The following DHRSX variants were observed in gnomAD, a reference collection of about 807,000 sequenced individuals.
DHRSX encodes dehydrogenase/reductase X-linked, also known as polyprenol dehydrogenase.
Under a neutral mutation model 34.0 loss-of-function variants are expected in DHRSX, and 31 were observed. The ratio of observed to expected loss-of-function variants is 0.91; its 90% CI spans 0.69 to 1.23. The LOEUF is 1.23. Ranked by LOEUF, DHRSX falls within the 50% of genes most tolerant of loss-of-function variation. DHRSX has a pLI of 0.00. For synonymous variants in DHRSX, 201 were observed against 183.8 expected (o/e 1.09, Z -0.76); for missense variants, 414 against 428.1 (o/e 0.97, Z 0.29).
In DHRSX at chrX:2,500,872, G is replaced by A; in HGVS notation, c.54C>T (p.Ala18=). The A allele has an allele frequency of 8.6e-7, 1 of 1,157,808 alleles. No individual in the cohort carries two copies. Among genetic ancestry groups the A allele is most frequent in the Non-Finnish European group, 1.1e-6 (1 of 934,320 alleles). The allele number at this position is 1,157,808 out of a possible 1,614,324, so 71.7% of individuals were successfully genotyped here. A position where few individuals can be genotyped will look rare whatever the true frequency, so the allele number is the denominator to read the frequency against. Residue 18 remains alanine (A), a synonymous_variant, in exon 1 of 7, where the codon GCC becomes GCT. Coordinates refer to ENST00000334651, the MANE Select transcript of DHRSX (RefSeq NM_145177.3). The part of the protein sequence containing the change: ...RAALRVYAVG[A]AVILAQLLRR... ...GCAGCAGCTGCGCCAGGATCACCGC[G>A]GCGCCTACCGCGTAGACCCGCAGGG... is the stretch of plus-strand genomic sequence containing the variant.
At chrX:2,346,152 A>G (rs1467566240) in intron 3 of DHRSX, among the ~76,000 whole-genome samples, 2 of 152,104 alleles carry the variant, frequency 1.3e-5, no homozygotes, top group East Asian at 3.9e-4. Context: ...ATTTAACTCA[A>G]ATACATGTAT....
intron 3 of DHRSX, among the ~76,000 whole-genome samples, chrX:2,408,306 C>A (rs1161141899): frequency 6.6e-6 from 1 of 152,010 alleles, no homozygotes; most frequent in African/African-American, 2.4e-5. Context: ...CAACTCCTGA[C>A]CTCGTGATCC....
intron 3 of DHRSX, among the ~76,000 whole-genome samples, chrX:2,295,196 T>TGGATAAAGAAAA (rs2041917840): frequency 6.6e-6 from 1 of 152,056 alleles, no homozygotes; most frequent in Non-Finnish European, 1.5e-5. Context: ...AATGATAGAC[T>TGGATAAAGAAAA]GGATAAAGAA....
intron 1 of DHRSX, among the ~76,000 whole-genome samples, chrX:2,443,980 G>T (rs999389220): frequency 4.0e-5 from 6 of 151,076 alleles, no homozygotes; most frequent in African/African-American, 1.2e-4. Flanking sequence ...ACTCCAGCCT[G>T]GGCGACAGAG....
intron 2 of DHRSX, among the ~76,000 whole-genome samples, chrX:2,414,341 C>G (rs2043667727): frequency 6.6e-6 from 1 of 152,058 alleles, no homozygotes; most frequent in African/African-American, 2.4e-5. Context: ...TAGTCCTCAT[C>G]ATGACCTAAC....
intron 3 of DHRSX, among the ~76,000 whole-genome samples, chrX:2,390,105 G>A (rs1428953096): frequency 6.8e-6 from 1 of 146,406 alleles, no homozygotes; most frequent in Admixed American, 6.8e-5. Context: ...ATTTTTAATT[G>A]TGGAAAAATA....
chrX:2,265,800 C>T (rs1242099862), intron 5 of DHRSX, among the ~76,000 whole-genome samples: 16 of 70,320 alleles, frequency 2.3e-4, no homozygotes, highest in East Asian at 1.0e-3. Flanking sequence ...GCACCGGTGT[C>T]CAGCAGACGC....
chrX:2,385,108 A>G (rs868670769), intron 3 of DHRSX, among the ~76,000 whole-genome samples: 21 of 122,698 alleles, frequency 1.7e-4, no homozygotes, highest in South Asian at 1.5e-3. Flanking sequence ...TCTCAAATAT[A>G]TATGTGTGTG....
At chrX:2,276,522 G>T (rs1569483020) in intron 4 of DHRSX, among the ~76,000 whole-genome samples, 1 of 152,150 alleles carries the variant, frequency 6.6e-6, no homozygotes, top group African/African-American at 2.4e-5. Context: ...CAATTCAAAG[G>T]TGGAAAATAC....
intron 1 of DHRSX, among the ~76,000 whole-genome samples, chrX:2,496,678 G>A (rs980050938): frequency 5.3e-5 from 8 of 151,858 alleles, no homozygotes; most frequent in South Asian, 2.1e-4. Context: ...TGTTCCCACC[G>A]CAAAGGAAAA....
At chrX:2,391,770 T>C (rs1198675621) in intron 3 of DHRSX, among the ~76,000 whole-genome samples, 1 of 151,842 alleles carries the variant, frequency 6.6e-6, no homozygotes, top group East Asian at 1.9e-4. Context: ...CTACTAAAAA[T>C]ACAAAAATTA....
At chrX:2,488,967 C>T (rs754468515) in intron 1 of DHRSX, 9 of 1,596,712 alleles carry the variant, frequency 5.6e-6, no homozygotes, top group East Asian at 2.2e-5. Flanking sequence ...AGGGGGTCTT[C>T]GTTGAGGCCA....
chrX:2,320,993 C>T (rs187884225), intron 3 of DHRSX, among the ~76,000 whole-genome samples: 2 of 152,182 alleles, frequency 1.3e-5, no homozygotes, highest in Admixed American at 1.3e-4. Flanking sequence ...AACCCTGTGG[C>T]TTGACAAGCA....
intron 3 of DHRSX, among the ~76,000 whole-genome samples, chrX:2,298,131 G>A (rs1350250346): frequency 6.6e-6 from 1 of 152,008 alleles, no homozygotes; most frequent in Non-Finnish European, 1.5e-5. Context: ...GACAGAGGCA[G>A]AGACTGGAGT....
chrX:2,493,425 C>A (rs1410965953), intron 1 of DHRSX, among the ~76,000 whole-genome samples: 2 of 151,694 alleles, frequency 1.3e-5, no homozygotes, highest in Admixed American at 1.3e-4. Context: ...GAAAGAGGTC[C>A]CAGTCCTCAA....
intron 6 of DHRSX, among the ~76,000 whole-genome samples, chrX:2,227,178 GTCTGCACAGAA>G (rs2015685954): frequency 6.6e-6 from 1 of 152,062 alleles, no homozygotes; most frequent in African/African-American, 2.4e-5. Flanking sequence ...GGACAGACGT[GTCTGCACAGAA>G]TCCTGCACCT....
At chrX:2,332,012 T>G (rs942015561) in intron 3 of DHRSX, among the ~76,000 whole-genome samples, 6 of 152,150 alleles carry the variant, frequency 3.9e-5, no homozygotes, top group Admixed American at 1.3e-4. Flanking sequence ...TTAGTATTGT[T>G]TACCAATAAA....
At chrX:2,357,322 G>C (rs2042868064) in intron 3 of DHRSX, among the ~76,000 whole-genome samples, 1 of 151,822 alleles carries the variant, frequency 6.6e-6, no homozygotes, top group Non-Finnish European at 1.5e-5. Flanking sequence ...GTTTTTCAAG[G>C]GTCAATTGTA....
At chrX:2,341,445 C>T (rs1281888142) in intron 3 of DHRSX, among the ~76,000 whole-genome samples, 1 of 152,062 alleles carries the variant, frequency 6.6e-6, no homozygotes, top group Admixed American at 6.6e-5. Flanking sequence ...GGCTTATGGC[C>T]GCATCACTCC....
Sources: gnomAD v4.1 joint callset for allele counts (sites outside exome capture counted in the v4.1 genomes callset) on GRCh38, gnomAD v4.1.1 for gene constraint, MANE v1.5 for transcripts, NCBI Gene and HGNC (gene_info 2026-07-23, HGNC 2026-07-21) for gene names.